The following AKR1C2 variants were observed in gnomAD, a reference collection of about 807,000 sequenced individuals.
The protein encoded by AKR1C2 is 3-alpha-HSD3.
A neutral mutation model predicts 39.8 loss-of-function variants in AKR1C2; 27 were observed. The ratio of observed to expected loss-of-function variants is 0.68; its 90% confidence interval spans 0.50 to 0.93. The LOEUF is 0.93. Ranked by LOEUF, AKR1C2 falls within the 40% of genes least tolerant of loss-of-function variation. The pLI is 0.00. For synonymous variants in AKR1C2, 114 were observed against 137.9 expected (o/e 0.83, Z 1.22); for missense variants, 263 against 365.1 (o/e 0.72, Z 2.28).
In AKR1C2 at chr10:4,987,988, T is replaced by C. The variant is rs1554771643; in HGVS notation, c.*2008A>G. ...TGTTCCTGAAATCAGGTGTTTGGCT[T>C]TATGAAATTCTGAGTAACTTTTTTT... On this transcript the variant is annotated 3_prime_UTR_variant, in exon 9 of 9. Transcript: ENST00000380753. 1 of 146,964 alleles carries C rather than the reference T, an allele frequency of 6.8e-6. No homozygotes were observed. Among genetic ancestry groups the C allele is most frequent in the Admixed American group, 6.8e-5 (1 of 14,752 alleles). The allele number at this position is 146,964 out of a possible 1,614,324, so 9.1% of individuals were successfully genotyped here. A position where few individuals can be genotyped will look rare whatever the true frequency, so the allele number is the denominator to read the frequency against.
At chr10:5,009,384 G>A (rs1211655846) in intron 1 of AKR1C2, among the ~76,000 whole-genome samples, 1 of 152,002 alleles carries the variant, frequency 6.6e-6, no homozygotes, top group African/African-American at 2.4e-5. Flanking sequence ...CACCCCTCAA[G>A]CTCCTGGGGT....
At chr10:5,000,116 A>T (rs1365554248) in intron 3 of AKR1C2, 1 of 1,207,048 alleles carries the variant, frequency 8.3e-7, no homozygotes, top group African/African-American at 1.6e-5. Flanking sequence ...AGTTTAAGAC[A>T]TTCCCGGACT....
At chr10:5,006,735 A>T (rs558560965), upstream of AKR1C2, 59 of 141,782 alleles carry the variant, frequency 4.2e-4, no homozygotes, top group African/African-American at 1.4e-3. Context: ...TGTGATCAAT[A>T]AAAAAAAATT....
chr10:5,015,568 T>C (rs1176040611), intron 1 of AKR1C2, among the ~76,000 whole-genome samples: 18 of 152,104 alleles, frequency 1.2e-4, no homozygotes, highest in African/African-American at 4.3e-4. Context: ...ACCCCCTATC[T>C]CTGTCAATCC....
At chr10:5,001,819 C>T (rs1837284297) in intron 1 of AKR1C2, 138 bp from the exon 2 acceptor site, 1 of 1,159,782 alleles carries the variant, frequency 8.6e-7, no homozygotes, top group Admixed American at 2.6e-5. Flanking sequence ...AAGCCCATCC[C>T]AGTCTGACTG....
intron 2 of AKR1C2, among the ~76,000 whole-genome samples, chr10:5,001,201 T>G (rs1357321816): frequency 6.6e-6 from 1 of 152,142 alleles, no homozygotes; most frequent in Non-Finnish European, 1.5e-5. Flanking sequence ...TGTAAGAAAC[T>G]CACCCAGGAG....
At chr10:5,007,995 G>A (rs1163496176), upstream of AKR1C2, among the ~76,000 whole-genome samples, 2 of 151,358 alleles carry the variant, frequency 1.3e-5, no homozygotes, top group Non-Finnish European at 2.9e-5. Flanking sequence ...GGTGACAGGG[G>A]TAGGCTTCTG....
At position 4,988,290 on chromosome 10, in the gene AKR1C2, C is replaced by T. The variant is rs1345925704; in HGVS notation, c.*1706G>A. On this transcript the variant is annotated 3_prime_UTR_variant, in exon 9 of 9. Transcript: ENST00000380753. ...ATAGACTCAGAAAGTTAAGGTAGAA[C>T]AGGATGGCCATGGTTTACATGAGAT... 5 of 152,074 alleles carry T rather than the reference C, an allele frequency of 3.3e-5. No homozygotes were observed. Among genetic ancestry groups the T allele is most frequent in the African/African-American group, 9.7e-5 (4 of 41,410 alleles). The allele number at this position is 152,074 out of a possible 1,614,324, so 9.4% of individuals were successfully genotyped here.
At chr10:4,990,648 G>A (rs1836808378) in intron 8 of AKR1C2, among the ~76,000 whole-genome samples, 1 of 151,930 alleles carries the variant, frequency 6.6e-6, no homozygotes, top group Admixed American at 6.6e-5. Flanking sequence ...TAAAGACACA[G>A]ATAAATGACT....
chr10:4,995,904 A>G, intron 5 of AKR1C2, 39 bp from the exon 6 acceptor site: 3 of 1,574,838 alleles, frequency 1.9e-6, no homozygotes, highest in Non-Finnish European at 2.6e-6. Context: ...AGATAATCCA[A>G]AAGTTACATT....
rs1376390490 is a variant in AKR1C2 at position 4,989,194 on chromosome 10, C to A, written c.*802G>T. The A allele has an allele frequency of 6.6e-6, 1 of 152,138 alleles. No homozygotes were observed. Among genetic ancestry groups the A allele is most frequent in the African/African-American group, 2.4e-5 (1 of 41,420 alleles). 9.4% of individuals were successfully genotyped at this position (152,138 alleles called of 1,614,324 possible). On this transcript the variant is annotated 3_prime_UTR_variant, in exon 9 of 9. Coordinates refer to ENST00000380753, the MANE Select transcript of AKR1C2 (RefSeq NM_001393392.1). Reference sequence around the variant, plus strand: ...AGTCAATGATATCTTCGATGTCCTGCCCCACCACAAACCAATAGGGTCAAC... The same window carrying A: ...AGTCAATGATATCTTCGATGTCCTGACCCACCACAAACCAATAGGGTCAAC...
At chr10:5,015,622 C>G (rs7915365) in intron 1 of AKR1C2, among the ~76,000 whole-genome samples, 63,505 of 151,948 alleles carry the variant, frequency 0.42, 13,867 homozygotes, top group Non-Finnish European at 0.48. Flanking sequence ...GCCCTGGGTC[C>G]CCAGACAATG....
upstream of AKR1C2, among the ~76,000 whole-genome samples, chr10:5,005,210 C>T (rs1837374864): frequency 6.6e-6 from 1 of 152,128 alleles, no homozygotes; most frequent in Admixed American, 6.6e-5. Context: ...AAAGGGCAAA[C>T]ACAGTCCACA....
Position 4,995,123 on chromosome 10 carries a change from C to A in AKR1C2, c.846+196G>T, listed in dbSNP as rs1376761920. 4.6e-5 allele frequency among the ~76,000 whole-genome samples: 5 copies of A among 108,508 alleles called. 1 individual carries two copies. Among genetic ancestry groups the A allele is most frequent in the Non-Finnish European group, 9.4e-5 (5 of 52,994 alleles). 71.2% of individuals were successfully genotyped at this position (108,508 alleles called of 152,430 possible). ...CTAACCCAAATCTGTAGTTTTGATC[C>A]CATCCTATTACTCTCCACCTCTGTT... On this transcript the variant is annotated intron_variant, in intron 7 of 8. Transcript: ENST00000380753.
upstream of AKR1C2, among the ~76,000 whole-genome samples, chr10:5,007,224 G>T (rs1266569698): frequency 7.0e-6 from 1 of 142,762 alleles, no homozygotes; most frequent in African/African-American, 2.5e-5. Flanking sequence ...AAGTCATATA[G>T]AGGTATAAAG....
chr10:4,999,009 A>G (rs1554773496), intron 4 of AKR1C2, among the ~76,000 whole-genome samples, 191 bp downstream of exon 4: 1 of 152,066 alleles, frequency 6.6e-6, no homozygotes, highest in Non-Finnish European at 1.5e-5. Context: ...CTTACCCCCA[A>G]TTCTTCTCCT....
intron 7 of AKR1C2, among the ~76,000 whole-genome samples, chr10:4,994,417 G>A (rs1836959036): frequency 6.6e-6 from 1 of 152,204 alleles, no homozygotes. Flanking sequence ...GTTCCTTCCA[G>A]TAAGAGGTGG....
chr10:5,017,644 T>C (rs1837669770), intron 1 of AKR1C2, among the ~76,000 whole-genome samples: 1 of 152,180 alleles, frequency 6.6e-6, no homozygotes, highest in African/African-American at 2.4e-5. Flanking sequence ...CCTTCATCTT[T>C]CCATCTTCTT....
At chr10:5,000,721 A>T in intron 2 of AKR1C2, 55 bp from the exon 3 acceptor site, 1 of 1,513,928 alleles carries the variant, frequency 6.6e-7, no homozygotes, top group East Asian at 2.3e-5. Context: ...CAGTTTTACT[A>T]GTTTGCTCCA....
Sources: allele counts gnomAD v4.1 joint callset (sites outside exome capture counted in the v4.1 genomes callset), GRCh38; gene constraint gnomAD v4.1.1; transcripts MANE v1.5; gene names NCBI Gene and HGNC (gene_info 2026-07-23, HGNC 2026-07-21).